The following FAM20C variants were observed in gnomAD, a reference collection of about 807,000 sequenced individuals.
The protein encoded by FAM20C is FAM20C golgi associated secretory pathway kinase.
Under a neutral mutation model 51.5 loss-of-function variants are expected in FAM20C, and 40 were observed. That is an observed-to-expected ratio of 0.78 (90% confidence interval 0.60 to 1.01). FAM20C has a LOEUF of 1.01. Ranked by LOEUF, FAM20C falls within the 50% of genes least tolerant of loss-of-function variation. The pLI is 0.00. For synonymous variants in FAM20C, 406 were observed against 380.6 expected (o/e 1.07, Z -0.78); for missense variants, 861 against 844.7 (o/e 1.02, Z -0.24).
At position 248,442 on chromosome 7, in the gene FAM20C, CG is replaced by C. The variant is rs1295134092; in HGVS notation, c.1072+17del. 1.5e-5 allele frequency: 23 copies of C among 1,525,070 alleles called. No individual in the cohort carries two copies. Among genetic ancestry groups the C allele is most frequent in the East Asian group, 2.5e-5 (1 of 40,804 alleles). The allele number at this position is 1,525,070 out of a possible 1,614,324, so 94.5% of individuals were successfully genotyped here. ...CTTCATCTCTCCAGGTAGCCTGGCA[CG>C]GGGGCCCGCATTCATCTCTCCAGGT... is the stretch of plus-strand genomic sequence containing the variant. On this transcript the variant is annotated intron_variant, in intron 5 of 9. Transcript: ENST00000313766.
rs145542456 is a variant in FAM20C, at chr7:248,535, G to T, written c.1072+105G>T. ...GGCACGGGGAGCCCACATTCATCTC[G>T]CCAGGTAGCCTGGCACGGGGGCCCA... On this transcript the variant is annotated intron_variant, in intron 5 of 9. Coordinates refer to ENST00000313766, the MANE Select transcript of FAM20C (RefSeq NM_020223.4). 2.9e-3 allele frequency: 1,340 copies of T among 464,568 alleles called. 21 individuals carry two copies. The African/African-American group carries it at 0.032, about 11-fold the overall frequency. 28.8% of individuals were successfully genotyped at this position (464,568 alleles called of 1,614,324 possible).
chr7:241,962 T>C (rs1787961464), intron 3 of FAM20C, among the ~76,000 whole-genome samples: 1 of 152,186 alleles, frequency 6.6e-6, no homozygotes, highest in African/African-American at 2.4e-5. Flanking sequence ...CATACTGTAG[T>C]GGGTGGTTAG....
At chr7:244,134 T>G (rs1380284867) in intron 3 of FAM20C, among the ~76,000 whole-genome samples, 1 of 151,984 alleles carries the variant, frequency 6.6e-6, no homozygotes, top group Non-Finnish European at 1.5e-5. Flanking sequence ...GGGGTCTCAC[T>G]ATGTTGCCCA....
At chr7:244,529 C>T (rs890917294) in intron 3 of FAM20C, among the ~76,000 whole-genome samples, 1 of 152,236 alleles carries the variant, frequency 6.6e-6, no homozygotes, top group Non-Finnish European at 1.5e-5. Flanking sequence ...ACCTCAGGAT[C>T]CCGGCCAGTC....
chr7:219,335 C>T (rs976000771), intron 3 of FAM20C, among the ~76,000 whole-genome samples: 2 of 151,906 alleles, frequency 1.3e-5, no homozygotes, highest in East Asian at 3.9e-4. Flanking sequence ...GTGAAGGACA[C>T]CCAGCCCAGG....
At chr7:256,561 C>A in intron 6 of FAM20C, 93 bp from the exon 7 acceptor site, 1 of 1,043,622 alleles carries the variant, frequency 9.6e-7, no homozygotes, top group Non-Finnish European at 1.4e-6. Flanking sequence ...CGCCAAGGTC[C>A]CTGCCGCAGT....
intron 5 of FAM20C, among the ~76,000 whole-genome samples, chr7:249,695 G>C (rs1037458745): frequency 7.2e-5 from 11 of 152,070 alleles, no homozygotes; most frequent in Non-Finnish European, 1.2e-4. Flanking sequence ...AGTGGGGGTT[G>C]CACCACTGCA....
intron 5 of FAM20C, among the ~76,000 whole-genome samples, chr7:250,282 G>A (rs148057407): frequency 2.8e-4 from 42 of 152,030 alleles, no homozygotes; most frequent in African/African-American, 9.7e-4. Context: ...GCTCCGTTCC[G>A]TCAGCCAGGG....
intron 3 of FAM20C, among the ~76,000 whole-genome samples, chr7:214,857 T>C (rs1786885938): frequency 6.6e-6 from 1 of 152,116 alleles, no homozygotes; most frequent in Non-Finnish European, 1.5e-5. Context: ...ATGCGGCGGC[T>C]GCCCATGACA....
intron 3 of FAM20C, among the ~76,000 whole-genome samples, chr7:233,342 G>A (rs1787756188): frequency 2.0e-5 from 3 of 152,336 alleles, no homozygotes; most frequent in South Asian, 2.1e-4. Flanking sequence ...GAAACAGGTC[G>A]TAATTTCACA....
intron 3 of FAM20C, chr7:245,863 C>T (rs1392748159): frequency 1.3e-5 from 2 of 152,734 alleles, no homozygotes; most frequent in African/African-American, 4.8e-5. Context: ...GCGGTGCCCA[C>T]ATTGCCCTTC....
At chr7:248,225 T>C in intron 4 of FAM20C, 90 bp from the exon 5 acceptor site, 2 of 907,432 alleles carry the variant, frequency 2.2e-6, no homozygotes, top group Non-Finnish European at 3.3e-6. Flanking sequence ...GCACAGACCC[T>C]CCCCTGCCCC....
At chr7:214,538 C>T (rs565211469) in intron 3 of FAM20C, among the ~76,000 whole-genome samples, 41 of 152,332 alleles carry the variant, frequency 2.7e-4, no homozygotes, top group African/African-American at 9.6e-4. Flanking sequence ...GTCAGCGGAA[C>T]GGTGCGGCTT....
chr7:233,753 C>A (rs1002514863), intron 3 of FAM20C, among the ~76,000 whole-genome samples: 1 of 152,234 alleles, frequency 6.6e-6, no homozygotes, highest in Non-Finnish European at 1.5e-5. Context: ...AGGCAGCAGT[C>A]ACAGGTCCTG....
At chr7:232,669 C>A (rs1439271919) in intron 3 of FAM20C, among the ~76,000 whole-genome samples, 1 of 152,194 alleles carries the variant, frequency 6.6e-6, no homozygotes, top group Non-Finnish European at 1.5e-5. Context: ...TTGTTAGCAG[C>A]AACAGTGGGA....
At chr7:258,592 C>G in intron 8 of FAM20C, 54 bp from the exon 9 acceptor site, 1 of 1,520,814 alleles carries the variant, frequency 6.6e-7, no homozygotes, top group Non-Finnish European at 8.8e-7. Flanking sequence ...AGCCCAGCAG[C>G]CTGTTAGGAA....
intron 3 of FAM20C, among the ~76,000 whole-genome samples, chr7:210,068 G>A (rs1301660537): frequency 1.3e-5 from 2 of 152,198 alleles, no homozygotes; most frequent in African/African-American, 4.8e-5. Flanking sequence ...GGGCATCCCC[G>A]CTCACACGCT....
At chr7:217,605 C>T (rs936982651) in intron 3 of FAM20C, among the ~76,000 whole-genome samples, 9 of 152,248 alleles carry the variant, frequency 5.9e-5, no homozygotes, top group South Asian at 2.1e-4. Flanking sequence ...AGAGAGGTGC[C>T]GGCTTTCCCT....
intron 6 of FAM20C, 91 bp downstream of exon 6, chr7:256,120 G>A (rs1788581626): frequency 6.9e-7 from 1 of 1,449,334 alleles, no homozygotes; most frequent in Non-Finnish European, 9.2e-7. Flanking sequence ...CGCCCACGGG[G>A]GTGGCAGAGA....
Sources: gnomAD v4.1 joint callset for allele counts (sites outside exome capture counted in the v4.1 genomes callset) on GRCh38, gnomAD v4.1.1 for gene constraint, MANE v1.5 for transcripts, NCBI Gene and HGNC (gene_info 2026-07-23, HGNC 2026-07-21) for gene names.